TMEM266: variants seen among roughly 807,000 people sequenced by gnomAD.
TMEM266 encodes the protein Hv1 related protein 1.
Under a neutral mutation model 50.5 loss-of-function variants are expected in TMEM266, and 33 were observed. The ratio of observed to expected loss-of-function variants is 0.65; its 90% CI spans 0.50 to 0.87. TMEM266 has a LOEUF of 0.87. Among genes scored for constraint, TMEM266 ranks in the 40% least tolerant of loss-of-function variants. TMEM266 has a pLI of 0.00. For missense variants in TMEM266, 655 were observed against 695.1 expected (o/e 0.94, Z 0.65); for synonymous variants, 310 against 292.3 (o/e 1.06, Z -0.62).
At chr15:76,180,938 A>T (rs2038394980) in intron 8 of TMEM266, 1 of 152,198 alleles carries the variant, frequency 6.6e-6, no homozygotes, top group African/African-American at 2.4e-5. Context: ...AAGAAAGATT[A>T]CATTGCTTCT....
At chr15:76,198,924 A>T in intron 9 of TMEM266, among the ~76,000 whole-genome samples, 1 of 152,274 alleles carries the variant, frequency 6.6e-6, no homozygotes, top group African/African-American at 2.4e-5. Context: ...CCAGGTCTGG[A>T]GCAGAGGGAG....
intron 8 of TMEM266, chr15:76,191,537 ACGGGGG>A (rs1158799924): frequency 1.3e-5 from 2 of 154,304 alleles, no homozygotes; most frequent in Admixed American, 1.3e-4. Flanking sequence ...CCAGGCTGGG[ACGGGGG>A]CCCTGGGTGT....
chr15:76,181,969 G>T lies in TMEM266; in HGVS notation c.768+6295G>T, dbSNP rs8026620. Among the ~76,000 whole-genome samples the T allele has an allele frequency of 4.3e-3, 650 of 152,220 alleles. 5 individuals are homozygous for T. The highest frequency in any genetic ancestry group is 0.015 in the African/African-American group (615 of 41,526). On this transcript the variant is annotated intron_variant, in intron 8 of 10. Coordinates refer to ENST00000388942, the MANE Select transcript of TMEM266 (RefSeq NM_152335.3). ...TGGAAGTTAGTTTCTCTTCTCTGAC[G>T]TTCTGCTTCCTCAGCACCATTCACC...
intron 3 of TMEM266, among the ~76,000 whole-genome samples, chr15:76,142,801 T>C (rs1022574539): frequency 2.6e-5 from 4 of 152,236 alleles, no homozygotes; most frequent in South Asian, 4.1e-4. Context: ...ACGGCAGAGC[T>C]GTCTGCTGCT....
chr15:76,203,692 A>G (rs2038786600), intron 10 of TMEM266, 49 bp from the exon 11 acceptor site: 17 of 1,551,340 alleles, frequency 1.1e-5, no homozygotes, highest in Non-Finnish European at 1.5e-5. Context: ...CAGGGCCCCC[A>G]GGTGTGGCAG....
intron 9 of TMEM266, among the ~76,000 whole-genome samples, chr15:76,199,894 G>C (rs189987767): frequency 6.6e-6 from 1 of 152,172 alleles, no homozygotes; most frequent in African/African-American, 2.4e-5. Flanking sequence ...GGAGGGATGT[G>C]AGGGGCTTTT....
intron 8 of TMEM266, among the ~76,000 whole-genome samples, chr15:76,177,601 TC>T (rs748734374): frequency 2.7e-4 from 41 of 152,246 alleles, no homozygotes; most frequent in Non-Finnish European, 5.4e-4. Context: ...AGAGGGGTCA[TC>T]AGGGGACATG....
At chr15:76,147,400 C>T (rs536300807) in intron 3 of TMEM266, among the ~76,000 whole-genome samples, 1 of 152,296 alleles carries the variant, frequency 6.6e-6, no homozygotes, top group South Asian at 2.1e-4. Context: ...TCTGGAAATT[C>T]GGCATCATAT....
chr15:76,072,202 G>C (rs1250274886), intron 1 of TMEM266, among the ~76,000 whole-genome samples: 1 of 152,020 alleles, frequency 6.6e-6, no homozygotes, highest in African/African-American at 2.4e-5. Context: ...ACTTTGGGAG[G>C]CCGAGGTAGG....
At chr15:76,193,680 C>T (rs1329427298) in intron 9 of TMEM266, among the ~76,000 whole-genome samples, 1 of 152,228 alleles carries the variant, frequency 6.6e-6, no homozygotes. Context: ...TCATACCTCC[C>T]TGGGGAACCC....
At chr15:76,120,983 T>G (rs1435588754) in intron 1 of TMEM266, among the ~76,000 whole-genome samples, 1 of 152,052 alleles carries the variant, frequency 6.6e-6, no homozygotes, top group African/African-American at 2.4e-5. Flanking sequence ...AAAAGGAAAT[T>G]AGAAAATATA....
chr15:76,163,193 C>T (rs959990302), intron 5 of TMEM266, among the ~76,000 whole-genome samples: 3 of 152,214 alleles, frequency 2.0e-5, no homozygotes, highest in Non-Finnish European at 2.9e-5. Context: ...GCCTCTGCCC[C>T]GGCCTTTGCC....
chr15:76,073,347 C>G (rs2036564196), intron 1 of TMEM266, among the ~76,000 whole-genome samples: 1 of 152,016 alleles, frequency 6.6e-6, no homozygotes, highest in South Asian at 2.1e-4. Flanking sequence ...ATTCTTCTGC[C>G]TCAGCCTCCT....
At chr15:76,182,181 C>G (rs2038421864) in intron 8 of TMEM266, among the ~76,000 whole-genome samples, 1 of 152,108 alleles carries the variant, frequency 6.6e-6, no homozygotes, top group Non-Finnish European at 1.5e-5. Context: ...AGCCAGCAAG[C>G]CAGATTCAAA....
At chr15:76,180,968 C>G (rs1000658746) in intron 8 of TMEM266, 5 of 152,104 alleles carry the variant, frequency 3.3e-5, no homozygotes, top group African/African-American at 1.2e-4. Context: ...CCTGTGGAGA[C>G]TCTCAGGTGA....
At position 76,099,192 on chromosome 15, in the gene TMEM266, G is replaced by A. The variant is rs183726645; in HGVS notation, c.-96-34976G>A. Among the ~76,000 whole-genome samples the A allele has an allele frequency of 6.1e-4, 93 of 152,332 alleles. 1 individual carries two copies. Among genetic ancestry groups the A allele is most frequent in the Admixed American group, 1.4e-3 (22 of 15,300 alleles). ...CAAGTGGCCACCCAGTTTTGTGCTC[G>A]AAACCCAGGGCCCTGCTGGGGAAGG... is the stretch of plus-strand genomic sequence containing the variant. On this transcript the variant is annotated intron_variant, in intron 1 of 10. Coordinates refer to ENST00000388942, the MANE Select transcript of TMEM266 (RefSeq NM_152335.3).
At chr15:76,106,736 A>G (rs1273040464) in intron 1 of TMEM266, among the ~76,000 whole-genome samples, 3 of 152,214 alleles carry the variant, frequency 2.0e-5, no homozygotes, top group Non-Finnish European at 4.4e-5. Context: ...GTGAGCCACC[A>G]TGACCAGCCT....
chr15:76,183,551 AAG>A (rs2142074341), intron 8 of TMEM266, among the ~76,000 whole-genome samples: 1 of 152,284 alleles, frequency 6.6e-6, no homozygotes, highest in South Asian at 2.1e-4. Flanking sequence ...TTTTATTGGC[AAG>A]AGTCAGTTGC....
Position 76,160,049 on chromosome 15 carries a change from C to G in TMEM266, c.383-46C>G. The G allele has an allele frequency of 6.3e-7, 1 of 1,581,524 alleles. No individual in the cohort carries two copies. Among genetic ancestry groups the G allele is most frequent in the Non-Finnish European group, 8.7e-7 (1 of 1,150,684 alleles). ...GCTGCGAAGCCCCCATAGCAACGCACCTAATTCCTCACTCCTAAAATTGGT... is the reference window on the plus strand; with the variant it reads ...GCTGCGAAGCCCCCATAGCAACGCAGCTAATTCCTCACTCCTAAAATTGGT... On this transcript the variant is annotated intron_variant, in intron 4 of 10. Coordinates refer to ENST00000388942, the MANE Select transcript of TMEM266 (RefSeq NM_152335.3). The surrounding 1 kb of genome is among the most constrained non-coding windows in gnomAD (Gnocchi z 5.7).
Sources: gnomAD v4.1 joint callset for allele counts (sites outside exome capture counted in the v4.1 genomes callset) on GRCh38, gnomAD v4.1.1 for gene constraint, Gnocchi (gnomAD v3.1) non-coding constraint, MANE v1.5 for transcripts, NCBI Gene and HGNC (gene_info 2026-07-23, HGNC 2026-07-21) for gene names.